The following NT5C2 variants were observed in gnomAD, a reference collection of about 807,000 sequenced individuals.
The protein encoded by NT5C2 is cytosolic purine 5'-nucleotidase.
NT5C2 carries 58 observed loss-of-function variants against 76.1 expected under a neutral mutation model. The ratio of observed to expected loss-of-function variants is 0.76; its 90% CI spans 0.62 to 0.95. NT5C2 has a LOEUF of 0.95. Ranked by LOEUF, NT5C2 falls within the 40% of genes least tolerant of loss-of-function variation. NT5C2 has a pLI of 0.00. For missense variants in NT5C2, 478 were observed against 690.3 expected, an observed-to-expected ratio of 0.69 and a Z score of 3.45; for synonymous variants, 229 against 237.4, an observed-to-expected ratio of 0.96 and a Z score of 0.32.
intron 3 of NT5C2, among the ~76,000 whole-genome samples, chr10:103,162,879 AAT>A (rs1467685729): frequency 6.6e-6 from 1 of 152,284 alleles, no homozygotes; most frequent in Non-Finnish European, 1.5e-5. Context: ...TAACTCACAT[AAT>A]AGTTACAATC....
chr10:103,180,919 G>A (rs2090943888), intron 2 of NT5C2, among the ~76,000 whole-genome samples: 1 of 152,106 alleles, frequency 6.6e-6, no homozygotes, highest in African/African-American at 2.4e-5. Context: ...ACTACACTGA[G>A]TGAAAGAAGA....
chr10:103,170,617 G>C (rs867730883), intron 3 of NT5C2, among the ~76,000 whole-genome samples: 1 of 147,218 alleles, frequency 6.8e-6, no homozygotes, highest in Non-Finnish European at 1.5e-5. Flanking sequence ...CCACCTCTCA[G>C]ACGCAGGTGA....
At chr10:103,165,983 T>C (rs561636068) in intron 3 of NT5C2, among the ~76,000 whole-genome samples, 29 of 152,230 alleles carry the variant, frequency 1.9e-4, no homozygotes, top group Non-Finnish European at 3.8e-4. Flanking sequence ...CCAAGAGAAT[T>C]TTTTAAGTTA....
rs141391492 is a variant in NT5C2, at chr10:103,093,221, T to C, written c.1077A>G (p.Lys359=). ...TTCGCCACCCTTGCCGTTTCTTTGA[T>C]TTTAAAATGTCCCCAAAAATGTGAT... The part of the protein sequence containing the change: ...IGDHIFGDIL[K]SKKRQGWRTF... Residue 359 remains lysine, a synonymous_variant, in exon 15 of 19, where the codon AAA becomes AAG. Coordinates refer to ENST00000404739, the MANE Select transcript of NT5C2 (RefSeq NM_001351169.2). 1.3e-4 allele frequency: 204 copies of C among 1,612,362 alleles called. 1 individual carries two copies. The African/African-American group carries it at 2.4e-3, about 19-fold the overall frequency.
At chr10:103,174,469 G>T (rs939804557) in intron 3 of NT5C2, among the ~76,000 whole-genome samples, 1 of 152,216 alleles carries the variant, frequency 6.6e-6, no homozygotes, top group Non-Finnish European at 1.5e-5. Flanking sequence ...TACTCAGGAG[G>T]CTGAGGCAAG....
Position 103,093,274 on chromosome 10 carries a change from T to C in NT5C2, c.1024A>G (p.Lys342Glu). Residue 342 changes from lysine (K) to glutamate (E), a missense_variant, in exon 15 of 19, where the codon AAG becomes GAG. Lys to Glu is a moderately conservative substitution (Grantham distance 56). Coordinates refer to ENST00000404739, the MANE Select transcript of NT5C2 (RefSeq NM_001351169.2). Reference protein sequence around the residue: ...SDTICDLLGAKGKDILYIGDH... With the variant: ...SDTICDLLGAEGKDILYIGDH... ...CCAATATACAAAATGTCTTTTCCCT[T>C]GGCTCCCAACAGGTCACAGATCGTA... 1 of 1,608,578 alleles carries C rather than the reference T, an allele frequency of 6.2e-7. No homozygotes were observed. Among genetic ancestry groups the C allele is most frequent in the Non-Finnish European group, 8.5e-7 (1 of 1,177,570 alleles).
intron 4 of NT5C2, among the ~76,000 whole-genome samples, chr10:103,132,922 C>T (rs902282026): frequency 6.6e-6 from 1 of 152,076 alleles, no homozygotes; most frequent in African/African-American, 2.4e-5. Context: ...CTGGTAGACA[C>T]AACAATGTGA....
chr10:103,106,179 CA>C (rs562934813), intron 5 of NT5C2, among the ~76,000 whole-genome samples: 10 of 152,264 alleles, frequency 6.6e-5, no homozygotes, highest in Middle Eastern at 3.4e-3. Flanking sequence ...GATAGCATCT[CA>C]AACATCATTT....
intron 1 of NT5C2, among the ~76,000 whole-genome samples, chr10:103,187,684 G>C (rs968174885): frequency 1.3e-5 from 2 of 151,028 alleles, no homozygotes. Context: ...CAGAATGTTT[G>C]AGCTATTTCA....
chr10:103,097,593 A>G (rs2068511394), intron 10 of NT5C2, among the ~76,000 whole-genome samples: 2 of 152,256 alleles, frequency 1.3e-5, no homozygotes, highest in Non-Finnish European at 2.9e-5. Context: ...ATTTACATGT[A>G]AAATTATACA....
At position 103,136,353 on chromosome 10, in the gene NT5C2, G is replaced by T. The variant is rs1039749737; in HGVS notation, c.175+3053C>A. ...CATATGTAAAATGGAGATGATAGTA[G>T]TAACTGCTTCACAGGGTTTCTGTAA... On this transcript the variant is annotated intron_variant, in intron 4 of 18. Transcript: ENST00000404739. 7.2e-5 allele frequency among the ~76,000 whole-genome samples: 11 copies of T among 152,308 alleles called. No homozygotes were observed. The South Asian group carries it at 2.3e-3, about 32-fold the overall frequency.
At chr10:103,152,982 T>G (rs2082660841) in intron 3 of NT5C2, among the ~76,000 whole-genome samples, 1 of 152,256 alleles carries the variant, frequency 6.6e-6, no homozygotes, top group South Asian at 2.1e-4. Flanking sequence ...AACCACCGTT[T>G]GCTTCCAATC....
chr10:103,098,021 CA>C, intron 10 of NT5C2: 1 of 528,244 alleles, frequency 1.9e-6, no homozygotes, highest in Non-Finnish European at 3.9e-6. Context: ...ATAGGAAGCA[CA>C]AAAACTGAAA....
chr10:103,193,087 G>A (rs2092772745), intron 1 of NT5C2, 149 bp downstream of exon 1: 1 of 151,608 alleles, frequency 6.6e-6, no homozygotes, highest in South Asian at 2.1e-4. Flanking sequence ...CTAAGGAGAG[G>A]GGCCTTGGGG....
At chr10:103,158,146 A>G (rs1006154731) in intron 3 of NT5C2, among the ~76,000 whole-genome samples, 1 of 152,108 alleles carries the variant, frequency 6.6e-6, no homozygotes, top group African/African-American at 2.4e-5. Flanking sequence ...CCTAAATAAT[A>G]GAAATCACAA....
At chr10:103,125,159 T>C (rs754890712) in intron 4 of NT5C2, 2 of 572,226 alleles carry the variant, frequency 3.5e-6, no homozygotes, top group East Asian at 3.9e-5. Flanking sequence ...TTCTAGATCT[T>C]TGAGTTGCAC....
chr10:103,190,039 T>A (rs2092511511), intron 1 of NT5C2, among the ~76,000 whole-genome samples: 1 of 144,624 alleles, frequency 6.9e-6, no homozygotes, highest in Admixed American at 7.0e-5. Flanking sequence ...TTCACTCTTG[T>A]CACCCAGGCT....
intron 3 of NT5C2, among the ~76,000 whole-genome samples, chr10:103,143,968 A>G (rs2081041467): frequency 6.6e-6 from 1 of 152,074 alleles, no homozygotes; most frequent in Non-Finnish European, 1.5e-5. Context: ...CAAAGAAACA[A>G]AAAACACCCT....
intron 1 of NT5C2, among the ~76,000 whole-genome samples, chr10:103,185,313 C>T (rs964814194): frequency 6.6e-6 from 1 of 151,540 alleles, no homozygotes; most frequent in African/African-American, 2.4e-5. Context: ...TAATACTTTG[C>T]ACCTTTAGTA....
Sources: allele counts gnomAD v4.1 joint callset (sites outside exome capture counted in the v4.1 genomes callset), GRCh38; gene constraint gnomAD v4.1.1; transcripts MANE v1.5; gene names NCBI Gene and HGNC (gene_info 2026-07-23, HGNC 2026-07-21).